Variants in ROBO2 observed in about 807,000 individuals in gnomAD.
The protein encoded by ROBO2 is roundabout homolog 2.
ROBO2 carries 53 observed loss-of-function variants against 160.8 expected under a neutral mutation model. The observed-to-expected ratio is 0.33, with a 90% CI of 0.26 to 0.41. ROBO2 has a LOEUF of 0.41. ROBO2 is among the 10% of genes least tolerant of loss of function. ROBO2 has a pLI of 1.00. For synonymous variants in ROBO2, 664 were observed against 611.7 expected, an observed-to-expected ratio of 1.09 and a Z score of -1.26; for missense variants, 1,577 against 1,722.4, an observed-to-expected ratio of 0.92 and a Z score of 1.49.
At chr3:77,546,232 C>A (rs1253335075) in intron 6 of ROBO2, 106 bp from the exon 8 acceptor site, 2 of 1,195,748 alleles carry the variant, frequency 1.7e-6, no homozygotes, top group Non-Finnish European at 1.2e-6. Flanking sequence ...AAACTGTAGT[C>A]TCTCTCTGGC....
chr3:76,864,243 T>C (rs904720137), intron 2 of ROBO2, among the ~76,000 whole-genome samples: 3 of 152,122 alleles, frequency 2.0e-5, no homozygotes, highest in Non-Finnish European at 4.4e-5. Context: ...AATCTGACTA[T>C]TGTTTTTACA....
intron 1 of ROBO2, among the ~76,000 whole-genome samples, chr3:77,050,034 C>T (rs1211882639): frequency 2.0e-5 from 3 of 151,994 alleles, no homozygotes; most frequent in East Asian, 1.9e-4. Flanking sequence ...TTTTATAATA[C>T]GTATATTTCC....
intron 2 of ROBO2, among the ~76,000 whole-genome samples, chr3:76,462,973 C>A (rs568423936): frequency 6.6e-6 from 1 of 152,256 alleles, no homozygotes; most frequent in South Asian, 2.1e-4. Flanking sequence ...CTAGCATCCA[C>A]AGGCCCAGTC....
At chr3:76,637,576 T>C (rs2090410604) in intron 2 of ROBO2, among the ~76,000 whole-genome samples, 2 of 152,128 alleles carry the variant, frequency 1.3e-5, no homozygotes, top group African/African-American at 4.8e-5. Context: ...TATTTCAGTA[T>C]AGTTTTTCCC....
intron 2 of ROBO2, among the ~76,000 whole-genome samples, chr3:76,162,381 C>T (rs1454901859): frequency 6.6e-6 from 1 of 152,072 alleles, no homozygotes; most frequent in Non-Finnish European, 1.5e-5. Context: ...ATTTTCATAG[C>T]CCACTATAGG....
At chr3:76,390,651 C>A (rs1295559922) in intron 2 of ROBO2, among the ~76,000 whole-genome samples, 1 of 152,164 alleles carries the variant, frequency 6.6e-6, no homozygotes, top group Non-Finnish European at 1.5e-5. Context: ...TATTTTTCCT[C>A]ATGTTCTTTC....
At chr3:76,990,212 G>A (rs1013268175) in intron 2 of ROBO2, among the ~76,000 whole-genome samples, 1 of 152,104 alleles carries the variant, frequency 6.6e-6, no homozygotes, top group Non-Finnish European at 1.5e-5. Context: ...CTTTCAAAAT[G>A]ACTGTTCTGA....
chr3:76,737,174 A>G (rs2093726776), intron 2 of ROBO2, among the ~76,000 whole-genome samples: 1 of 152,222 alleles, frequency 6.6e-6, no homozygotes, highest in African/African-American at 2.4e-5. Context: ...AAATATAATC[A>G]CTATTTCTAG....
chr3:77,154,071 A>T (rs2077762724), intron 2 of ROBO2, among the ~76,000 whole-genome samples: 1 of 152,090 alleles, frequency 6.6e-6, no homozygotes, highest in African/African-American at 2.4e-5. Context: ...GATATCAGAA[A>T]AAGCAGTTTC....
chr3:76,661,248 A>T (rs73120006), intron 2 of ROBO2, among the ~76,000 whole-genome samples: 11,052 of 152,272 alleles, frequency 0.073, 422 homozygotes, highest in Non-Finnish European at 0.095. Context: ...CAAACCAGAA[A>T]GATTGAACAA....
At chr3:77,087,746 G>T (rs1463912541) in intron 1 of ROBO2, among the ~76,000 whole-genome samples, 2 of 151,392 alleles carry the variant, frequency 1.3e-5, no homozygotes, top group South Asian at 2.1e-4. Context: ...ATATGTGTGT[G>T]TACATATACA....
At chr3:76,792,931 G>A (rs2063461080) in intron 2 of ROBO2, among the ~76,000 whole-genome samples, 2 of 151,872 alleles carry the variant, frequency 1.3e-5, no homozygotes, top group South Asian at 4.1e-4. Flanking sequence ...ATTTGAGAAT[G>A]TATACTTAAC....
At position 76,665,271 on chromosome 3, in the gene ROBO2, CAT is replaced by C. The variant is rs146708197; in HGVS notation, c.110-432738_110-432737del. On this transcript the variant is annotated intron_variant, in intron 2 of 26. Coordinates refer to the ROBO2 transcript ENST00000487694. ...AACATCCAACTAACAAAAAATATTT[CAT>C]ATATGTTATTGAAATCCTCAATAGC... Among the ~76,000 whole-genome samples the C allele has an allele frequency of 3.5e-3, 538 of 152,114 alleles. 1 individual carries two copies. The highest frequency in any genetic ancestry group is 6.4e-3 in the Non-Finnish European group (438 of 68,006).
chr3:76,681,464 G>T (rs2092560196), intron 2 of ROBO2, among the ~76,000 whole-genome samples: 1 of 151,910 alleles, frequency 6.6e-6, no homozygotes, highest in South Asian at 2.1e-4. Context: ...GAGGCTCAGA[G>T]AAGTTTCCAA....
chr3:76,944,788 C>T (rs1257430951), intron 2 of ROBO2, among the ~76,000 whole-genome samples: 1 of 152,064 alleles, frequency 6.6e-6, no homozygotes, highest in African/African-American at 2.4e-5. Context: ...AGCTGATATG[C>T]ACATTGTAAG....
chr3:77,099,430 A>G (rs928708008), intron 2 of ROBO2, among the ~76,000 whole-genome samples: 18 of 152,178 alleles, frequency 1.2e-4, no homozygotes, highest in African/African-American at 4.1e-4. Flanking sequence ...GTATAACTCC[A>G]ATAGGAAAAG....
intron 2 of ROBO2, among the ~76,000 whole-genome samples, chr3:76,916,964 C>A (rs564993586): frequency 7.2e-5 from 11 of 152,154 alleles, no homozygotes; most frequent in African/African-American, 2.6e-4. Flanking sequence ...TTCTAACCAA[C>A]TGTCAGCCCA....
At chr3:77,581,618 CA>C (rs1157135544) in intron 16 of ROBO2, among the ~76,000 whole-genome samples, 1 of 152,036 alleles carries the variant, frequency 6.6e-6, no homozygotes, top group African/African-American at 2.4e-5. Flanking sequence ...CCCCTGAGGC[CA>C]GAGCCTCAGA....
intron 2 of ROBO2, among the ~76,000 whole-genome samples, chr3:77,288,812 G>T (rs1270312681): frequency 6.6e-6 from 1 of 152,078 alleles, no homozygotes; most frequent in African/African-American, 2.4e-5. Context: ...TTATACCTGG[G>T]TCCAGAATTT....
Sources: allele counts gnomAD v4.1 joint callset (sites outside exome capture counted in the v4.1 genomes callset), GRCh38; gene constraint gnomAD v4.1.1; transcripts MANE v1.5; gene names NCBI Gene and HGNC (gene_info 2026-07-23, HGNC 2026-07-21).